CCDC186: variants seen among roughly 807,000 people sequenced by gnomAD.
The protein encoded by CCDC186 is coiled-coil domain-containing protein 186.
In CCDC186, 49 loss-of-function variants were observed where a neutral mutation model predicts 113.7. The ratio of observed to expected loss-of-function variants is 0.43; its 90% CI spans 0.34 to 0.55. The LOEUF is 0.55. CCDC186 is among the 20% of genes least tolerant of loss of function. CCDC186 has a pLI of 0.02. For missense variants in CCDC186, 890 were observed against 1,011.1 expected (o/e 0.88, Z 1.62); for synonymous variants, 355 against 345.8 (o/e 1.03, Z -0.30).
intron 15 of CCDC186, among the ~76,000 whole-genome samples, chr10:114,125,629 T>C (rs1022858113): frequency 2.0e-5 from 3 of 152,256 alleles, no homozygotes; most frequent in Non-Finnish European, 4.4e-5. Flanking sequence ...AAACTAATTA[T>C]ATGTCAAAGC....
rs1230524392 is a variant in CCDC186, at chr10:114,174,139, C to G, written c.-186G>C. 2.1e-6 allele frequency: 1 copy of G among 471,478 alleles called. No individual in the cohort carries two copies. The highest frequency in any genetic ancestry group is 4.4e-6 in the Non-Finnish European group (1 of 226,620). The allele number at this position is 471,478 out of a possible 1,614,324, so 29.2% of individuals were successfully genotyped here. ...GAGGAAAAGACCGCGGTGAGAAACA[C>G]AGCCGACGCCTCACTCAGCGGCCGT... On this transcript the variant is annotated 5_prime_UTR_variant, in exon 1 of 16. Coordinates refer to ENST00000369287, the MANE Select transcript of CCDC186 (RefSeq NM_018017.4).
Position 114,132,134 on chromosome 10 carries a change from G to C in CCDC186, c.1706C>G (p.Ser569Cys), listed in dbSNP as rs1254454718. The change falls in exon 11 of 16, where the codon TCT (serine) becomes TGT (cysteine). Residue 569 changes from serine (S) to cysteine (C), a missense_variant. Ser to Cys is a moderately radical substitution (Grantham distance 112). Transcript: ENST00000369287. ...NLKEEVESLN[S>C]LINDLQKDIE... ...GTCTTTTTGTAGGTCATTAATCAAA[G>C]AATTAAGACTTTCCACTTCTTCTTT... The C allele has an allele frequency of 6.2e-7, 1 of 1,609,814 alleles. No homozygotes were observed. Among genetic ancestry groups the C allele is most frequent in the Non-Finnish European group, 8.5e-7 (1 of 1,178,116 alleles).
At position 114,121,813 on chromosome 10, in the gene CCDC186, C is replaced by CTT. The variant is rs1256119113; in HGVS notation, c.*3328_*3329dup. Reference sequence around the variant, plus strand: ...TTGTCTCCTAGCTATTTTCTTTCCTCTTTTTTTTTTGAGACAGGGTTTCAC... The same window carrying CTT: ...TTGTCTCCTAGCTATTTTCTTTCCTCTTTTTTTTTTTTGAGACAGGGTTTCAC... On this transcript the variant is annotated 3_prime_UTR_variant, in exon 16 of 16. Transcript: ENST00000369287. 7 of 148,958 alleles carry CTT rather than the reference C, an allele frequency of 4.7e-5. No homozygotes were observed. The highest frequency in any genetic ancestry group is 1.5e-4 in the African/African-American group (6 of 40,522). 9.2% of individuals were successfully genotyped at this position (148,958 alleles called of 1,614,324 possible).
intron 2 of CCDC186, 121 bp downstream of exon 2, chr10:114,162,516 T>C (rs2032202575): frequency 2.9e-6 from 2 of 699,342 alleles, no homozygotes; most frequent in South Asian, 4.6e-5. Flanking sequence ...TCAACTACTA[T>C]GTGCATGATT....
At chr10:114,166,947 C>T (rs2032350760) in intron 1 of CCDC186, among the ~76,000 whole-genome samples, 1 of 150,884 alleles carries the variant, frequency 6.6e-6, no homozygotes, top group East Asian at 1.9e-4. Context: ...CTTCTGTCAG[C>T]AATATGCTCA....
intron 4 of CCDC186, among the ~76,000 whole-genome samples, chr10:114,147,290 CATT>C (rs1301498169): frequency 6.6e-6 from 1 of 152,070 alleles, no homozygotes; most frequent in African/African-American, 2.4e-5. Flanking sequence ...TATAAACAAA[CATT>C]ATAATATGAA....
intron 11 of CCDC186, 69 bp from the exon 12 acceptor site, chr10:114,131,405 A>C: frequency 7.7e-7 from 1 of 1,306,006 alleles, no homozygotes. Flanking sequence ...CAGTTTATAT[A>C]ACCTTAACAA....
chr10:114,163,262 C>G lies in CCDC186; in HGVS notation c.7G>C (p.Glu3Gln). The G allele has an allele frequency of 6.2e-7, 1 of 1,606,968 alleles. No homozygotes were observed. The highest frequency in any genetic ancestry group is 8.5e-7 in the Non-Finnish European group (1 of 1,178,980). ...GAAGTAGAGGCTATGTGGTCTGTCT[C>G]TGACATGCTGACTGGCACCAATTCA... MS[E>Q]TDHIASTSSD... Residue 3 changes from glutamate to glutamine, a missense_variant, in exon 2 of 16, where the codon GAG becomes CAG. Glu to Gln is a conservative substitution (Grantham distance 29, BLOSUM62 2). Coordinates refer to ENST00000369287, the MANE Select transcript of CCDC186 (RefSeq NM_018017.4).
intron 13 of CCDC186, among the ~76,000 whole-genome samples, chr10:114,128,012 AAG>A (rs2030963076): frequency 6.6e-6 from 1 of 152,156 alleles, no homozygotes; most frequent in Non-Finnish European, 1.5e-5. Context: ...GAGACAGAAA[AAG>A]AGAGGTTAGA....
intron 1 of CCDC186, among the ~76,000 whole-genome samples, chr10:114,169,820 G>A (rs1589636472): frequency 6.6e-6 from 1 of 152,142 alleles, no homozygotes; most frequent in South Asian, 2.1e-4. Context: ...AATGTAACCT[G>A]CTCACAACCC....
At chr10:114,147,506 A>C (rs1356191794) in intron 4 of CCDC186, among the ~76,000 whole-genome samples, 1 of 152,184 alleles carries the variant, frequency 6.6e-6, no homozygotes, top group East Asian at 1.9e-4. Context: ...TAAAAGTATA[A>C]AACAGCATGA....
At chr10:114,158,851 G>C (rs1176739709) in intron 2 of CCDC186, among the ~76,000 whole-genome samples, 1 of 152,184 alleles carries the variant, frequency 6.6e-6, no homozygotes, top group Non-Finnish European at 1.5e-5. Flanking sequence ...CTACTTTGAA[G>C]ATCACTCATT....
At chr10:114,144,148 C>T (rs889472017) in intron 6 of CCDC186, among the ~76,000 whole-genome samples, 3 of 151,746 alleles carry the variant, frequency 2.0e-5, no homozygotes, top group Admixed American at 6.6e-5. Flanking sequence ...ACACATTCTC[C>T]CCCGTCCAAT....
chr10:114,151,413 T>C (rs2031853193), intron 3 of CCDC186, among the ~76,000 whole-genome samples, 193 bp from the exon 4 acceptor site: 1 of 152,242 alleles, frequency 6.6e-6, no homozygotes, highest in Non-Finnish European at 1.5e-5. Context: ...TCCATTAAGT[T>C]AAGGTATCTG....
intron 4 of CCDC186, among the ~76,000 whole-genome samples, chr10:114,147,146 A>AGTC (rs2031671424): frequency 6.6e-6 from 1 of 152,210 alleles, no homozygotes; most frequent in Non-Finnish European, 1.5e-5. Flanking sequence ...ACTTAGAAAA[A>AGTC]GTCAATAGCT....
intron 5 of CCDC186, among the ~76,000 whole-genome samples, chr10:114,144,832 T>C (rs140098143): frequency 6.6e-6 from 1 of 152,290 alleles, no homozygotes; most frequent in East Asian, 1.9e-4. Context: ...ACATTTACAT[T>C]TTAACCAATT....
chr10:114,125,204 G>C lies in CCDC186; in HGVS notation c.2636C>G (p.Thr879Arg). 3 of 1,610,800 alleles carry C rather than the reference G, an allele frequency of 1.9e-6. No homozygotes were observed. Among genetic ancestry groups the C allele is most frequent in the Non-Finnish European group, 2.5e-6 (3 of 1,178,108 alleles). ...GTGTTTAATAAGACGTTCTATTTCTGTTCCAAGTGTTTGTAGATTTTCCTT... is the reference window on the plus strand; with the variant it reads ...GTGTTTAATAAGACGTTCTATTTCTCTTCCAAGTGTTTGTAGATTTTCCTT... ...TLKENLQTLG[T>R]EIERLIKHQH... Residue 879 changes from threonine to arginine, a missense_variant, in exon 16 of 16, where the codon ACA (threonine) becomes AGA (arginine). By Grantham distance (71) the Thr-to-Arg change is moderately conservative (BLOSUM62 -1). Coordinates refer to ENST00000369287, the MANE Select transcript of CCDC186 (RefSeq NM_018017.4).
chr10:114,127,478 T>C lies in CCDC186; in HGVS notation c.2376A>G (p.Glu792=). 6.2e-7 allele frequency: 1 copy of C among 1,613,890 alleles called. No homozygotes were observed. The highest frequency in any genetic ancestry group is 1.1e-5 in the South Asian group (1 of 91,064). ...ATACATACTTTGTTTTTTTCCTAATTTCTTCCACCAGTTGTTTGATGTGGT... is the reference window on the plus strand; with the variant it reads ...ATACATACTTTGTTTTTTTCCTAATCTCTTCCACCAGTTGTTTGATGTGGT... ...MEDHIKQLVE[E]IRKKTKIIQS... is the part of the protein sequence containing the mutation. The change falls in exon 14 of 16, where the codon GAA becomes GAG. Residue 792 remains glutamate, a synonymous_variant. Transcript: ENST00000369287.
At position 114,145,402 on chromosome 10, in the gene CCDC186, T is replaced by G. The variant is rs919569486; in HGVS notation, c.1101+147A>C. 17 of 689,564 alleles carry G rather than the reference T, an allele frequency of 2.5e-5. No individual in the cohort carries two copies. In the African/African-American group the frequency reaches 2.6e-4, roughly 10 times the overall value. 42.7% of individuals were successfully genotyped at this position (689,564 alleles called of 1,614,324 possible). Reference sequence around the variant, plus strand: ...ATAGAACACTTGAATTACTAAAAAATTCATGGTTTTAGAAGGTAAACTAAT... The same window carrying G: ...ATAGAACACTTGAATTACTAAAAAAGTCATGGTTTTAGAAGGTAAACTAAT... On this transcript the variant is annotated intron_variant, in intron 5 of 15. Coordinates refer to ENST00000369287, the MANE Select transcript of CCDC186 (RefSeq NM_018017.4).
Sources: gnomAD v4.1 joint callset for allele counts (sites outside exome capture counted in the v4.1 genomes callset) on GRCh38, gnomAD v4.1.1 for gene constraint, MANE v1.5 for transcripts, NCBI Gene and HGNC (gene_info 2026-07-23, HGNC 2026-07-21) for gene names.